ADAM12: variants seen among roughly 807,000 people sequenced by gnomAD.
ADAM12 encodes the protein disintegrin and metalloproteinase domain-containing protein 12.
A neutral mutation model predicts 106.4 loss-of-function variants in ADAM12; 70 were observed. The ratio of observed to expected loss-of-function variants is 0.66; its 90% CI spans 0.54 to 0.80. ADAM12 has a LOEUF of 0.80. Among genes scored for constraint, ADAM12 ranks in the 30% least tolerant of loss-of-function variants. The probability of loss-of-function intolerance (pLI) is 0.00; values close to 1 mark genes in which losing one functional copy is unlikely to be tolerated. For missense variants in ADAM12, 1,010 were observed against 1,171.9 expected, an observed-to-expected ratio of 0.86 and a Z score of 2.02; for synonymous variants, 420 against 433.5, an observed-to-expected ratio of 0.97 and a Z score of 0.39.
intron 1 of ADAM12, among the ~76,000 whole-genome samples, chr10:126,354,550 G>C (rs200808499): frequency 1.3e-5 from 2 of 152,144 alleles, no homozygotes; most frequent in Admixed American, 6.5e-5. Context: ...ATGTTTCATA[G>C]TCCTTACTGA....
chr10:126,267,019 G>A (rs1264828566), intron 3 of ADAM12, among the ~76,000 whole-genome samples: 1 of 152,160 alleles, frequency 6.6e-6, no homozygotes, highest in Non-Finnish European at 1.5e-5. Context: ...CTAACAACCT[G>A]GGAGGAAGGT....
chr10:126,344,524 A>G (rs578007595), intron 1 of ADAM12, among the ~76,000 whole-genome samples: 11 of 152,310 alleles, frequency 7.2e-5, no homozygotes, highest in South Asian at 2.1e-4. Context: ...TTGGTTCCAT[A>G]TGAACTTTAA....
chr10:126,262,332 GA>G lies in ADAM12; in HGVS notation c.260+16582del, dbSNP rs139892247. ...AGGAATTCCATGCCAATGATTATAG[GA>G]AAAAAAGATGCCGATTCATCAAAAT... On this transcript the variant is annotated intron_variant, in intron 3 of 22. Coordinates refer to ENST00000448723, the MANE Select transcript of ADAM12 (RefSeq NM_001288973.2). Among the ~76,000 whole-genome samples the G allele has an allele frequency of 9.0e-3, 1,375 of 152,060 alleles. 30 individuals carry two copies. The East Asian group carries it at 0.11, about 12-fold the overall frequency.
At chr10:126,277,318 G>A (rs1267746129) in intron 3 of ADAM12, among the ~76,000 whole-genome samples, 2 of 151,902 alleles carry the variant, frequency 1.3e-5, no homozygotes, top group African/African-American at 4.8e-5. Flanking sequence ...ACCTGCAGTC[G>A]TAATGCTCCA....
chr10:126,319,147 C>T (rs1439615531), intron 2 of ADAM12, among the ~76,000 whole-genome samples: 1 of 152,150 alleles, frequency 6.6e-6, no homozygotes, highest in Non-Finnish European at 1.5e-5. Context: ...TGATTAAAAA[C>T]ATAAATAGGG....
At chr10:126,177,237 A>G (rs1218094978) in intron 3 of ADAM12, among the ~76,000 whole-genome samples, 1 of 152,142 alleles carries the variant, frequency 6.6e-6, no homozygotes, top group Non-Finnish European at 1.5e-5. Context: ...AATAGAAGAT[A>G]ACATTAGATT....
At chr10:126,214,771 G>A (rs910214226) in intron 3 of ADAM12, among the ~76,000 whole-genome samples, 3 of 152,216 alleles carry the variant, frequency 2.0e-5, no homozygotes, top group African/African-American at 7.2e-5. Context: ...TGGAGTCCTA[G>A]TTAATCACAG....
chr10:126,094,132 T>G lies in ADAM12; in HGVS notation c.998A>C (p.Asp333Ala). Residue 333 changes from aspartate to alanine, a missense_variant and splice_region_variant, in exon 11 of 23, where the codon GAC becomes GCC. Asp to Ala is a moderately radical substitution (Grantham distance 126). This residue lies in a region of ADAM12 where 391 missense variants were observed against 442.9 expected (regional missense o/e 0.88). Coordinates refer to ENST00000448723, the MANE Select transcript of ADAM12 (RefSeq NM_001288973.2). ...TGCACCAAGGGGATTGTCTGAATGG[T>G]CCTCAAAGAAAACACAAAAGTACAG... ...TADQSGGIVM[D>A]HSDNPLGAAV... 6.2e-7 allele frequency: 1 copy of G among 1,613,566 alleles called. No individual in the cohort carries two copies. The highest frequency in any genetic ancestry group is 8.5e-7 in the Non-Finnish European group (1 of 1,179,724).
At chr10:126,071,254 A>T (rs932249331) in intron 12 of ADAM12, among the ~76,000 whole-genome samples, 1 of 151,958 alleles carries the variant, frequency 6.6e-6, no homozygotes, top group South Asian at 2.1e-4. Flanking sequence ...CTTCGATAAG[A>T]TTATTTATCT....
intron 1 of ADAM12, among the ~76,000 whole-genome samples, chr10:126,335,844 A>C (rs1251825407): frequency 1.3e-5 from 2 of 152,180 alleles, no homozygotes; most frequent in Admixed American, 1.3e-4. Flanking sequence ...ATGTGATGAC[A>C]GTCCCACTTC....
Position 126,053,474 on chromosome 10 carries a change from G to C in ADAM12, c.1610-3805C>G, listed in dbSNP as rs1396449162. 6.6e-6 allele frequency among the ~76,000 whole-genome samples: 1 copy of C among 152,078 alleles called. No homozygotes were observed. Among genetic ancestry groups the C allele is most frequent in the Non-Finnish European group, 1.5e-5 (1 of 68,014 alleles). ...AGCAGAAGGCCACCTGGCATTTCAG[G>C]AGCACCGCCATTCTCCCAAAGACAA... is the stretch of plus-strand genomic sequence containing the variant. On this transcript the variant is annotated intron_variant, in intron 14 of 22. Transcript: ENST00000448723. This position sits in a 1 kb window ranked among gnomAD's most constrained non-coding sequence, Gnocchi z 4.6.
intron 6 of ADAM12, among the ~76,000 whole-genome samples, chr10:126,113,726 ATAT>A (rs1565067851): frequency 4.0e-3 from 151 of 37,730 alleles, no homozygotes; most frequent in African/African-American, 0.016. Flanking sequence ...ATATATATAT[ATAT>A]ATAATATATT....
chr10:126,117,897 AC>A, intron 6 of ADAM12, 140 bp downstream of exon 6: 1 of 857,952 alleles, frequency 1.2e-6, no homozygotes, highest in South Asian at 1.6e-5. Context: ...AATGTCTACC[AC>A]CTCCAGATAA....
At chr10:126,117,584 C>A (rs1355067666) in intron 6 of ADAM12, among the ~76,000 whole-genome samples, 1 of 151,960 alleles carries the variant, frequency 6.6e-6, no homozygotes, top group African/African-American at 2.4e-5. Flanking sequence ...CCCAAACTTG[C>A]TAATAAGGAA....
At chr10:126,207,645 T>C (rs559790044) in intron 3 of ADAM12, among the ~76,000 whole-genome samples, 25 of 152,370 alleles carry the variant, frequency 1.6e-4, no homozygotes, top group African/African-American at 5.3e-4. Flanking sequence ...AATTGGTTAC[T>C]AAGATATAAT....
At chr10:126,329,378 A>G (rs911882854) in intron 2 of ADAM12, among the ~76,000 whole-genome samples, 3 of 151,746 alleles carry the variant, frequency 2.0e-5, no homozygotes, top group African/African-American at 7.3e-5. Flanking sequence ...ACGAAAGCCC[A>G]CTCCTCTTTT....
chr10:126,049,743 A>T lies in ADAM12; in HGVS notation c.1610-74T>A, dbSNP rs1262971343. 1 of 1,321,928 alleles carries T rather than the reference A, an allele frequency of 7.6e-7. No individual in the cohort carries two copies. Among genetic ancestry groups the T allele is most frequent in the Non-Finnish European group, 1.1e-6 (1 of 938,034 alleles). The allele number at this position is 1,321,928 out of a possible 1,614,324, so 81.9% of individuals were successfully genotyped here. A position where few individuals can be genotyped will look rare whatever the true frequency, so the allele number is the denominator to read the frequency against. ...TTTTTTCATGGCTGTAGGCCTCTCAAATGGTTACGGGGAGACGTGCTCAAA... is the reference window on the plus strand; with the variant it reads ...TTTTTTCATGGCTGTAGGCCTCTCATATGGTTACGGGGAGACGTGCTCAAA... On this transcript the variant is annotated intron_variant, in intron 14 of 22. Transcript: ENST00000448723. This position sits in a 1 kb window ranked among gnomAD's most constrained non-coding sequence, Gnocchi z 4.4.
intron 8 of ADAM12, among the ~76,000 whole-genome samples, chr10:126,107,389 G>A (rs1231628554): frequency 6.6e-6 from 1 of 152,214 alleles, no homozygotes; most frequent in Non-Finnish European, 1.5e-5. Context: ...TTCTCAAGTG[G>A]AGGGACCACA....
chr10:126,303,914 A>G (rs1325504760), intron 2 of ADAM12, among the ~76,000 whole-genome samples: 2 of 152,228 alleles, frequency 1.3e-5, no homozygotes, highest in Admixed American at 6.5e-5. Flanking sequence ...ATTATTTGAC[A>G]GTAGACTATG....
Sources: allele counts gnomAD v4.1 joint callset (sites outside exome capture counted in the v4.1 genomes callset), GRCh38; gene constraint gnomAD v4.1.1; regional missense constraint gnomAD v4.1.1; non-coding constraint Gnocchi (gnomAD v3.1); transcripts MANE v1.5; gene names NCBI Gene and HGNC (gene_info 2026-07-23, HGNC 2026-07-21).